The following ANKRD55 variants were observed in gnomAD, a reference collection of about 807,000 sequenced individuals.
The protein encoded by ANKRD55 is ankyrin repeat domain 55.
ANKRD55 carries 41 observed loss-of-function variants against 60.6 expected under a neutral mutation model. That is an observed-to-expected ratio of 0.68 (90% CI 0.53 to 0.88). ANKRD55 has a LOEUF of 0.88. Ranked by LOEUF, ANKRD55 falls within the 40% of genes least tolerant of loss-of-function variation. ANKRD55 has a pLI of 0.00. For missense variants in ANKRD55, 732 were observed against 767.6 expected, an observed-to-expected ratio of 0.95 and a Z score of 0.55; for synonymous variants, 264 against 290.3, an observed-to-expected ratio of 0.91 and a Z score of 0.92.
At chr5:56,136,448 A>T (rs1757599999) in intron 7 of ANKRD55, among the ~76,000 whole-genome samples, 1 of 152,338 alleles carries the variant, frequency 6.6e-6, no homozygotes, top group Non-Finnish European at 1.5e-5. Flanking sequence ...CAAGAAATAG[A>T]CCCACATAAT....
chr5:56,112,558 G>A (rs372619267), intron 9 of ANKRD55, among the ~76,000 whole-genome samples: 4 of 129,740 alleles, frequency 3.1e-5, no homozygotes, highest in African/African-American at 9.0e-5. Flanking sequence ...GGGCTCCAGC[G>A]AGGGAAGAGG....
At chr5:56,112,626 C>G (rs1167569198) in intron 9 of ANKRD55, among the ~76,000 whole-genome samples, 10 of 151,434 alleles carry the variant, frequency 6.6e-5, no homozygotes, top group African/African-American at 2.4e-4. Flanking sequence ...ATGCCCAATG[C>G]GCAGGCAAAT....
chr5:56,180,740 G>A (rs1021688591), intron 3 of ANKRD55, among the ~76,000 whole-genome samples: 1 of 152,100 alleles, frequency 6.6e-6, no homozygotes. Context: ...AAATTTTGAT[G>A]TCTGCATGTT....
intron 7 of ANKRD55, among the ~76,000 whole-genome samples, chr5:56,131,015 C>A (rs1312429907): frequency 6.6e-6 from 1 of 151,866 alleles, no homozygotes; most frequent in East Asian, 1.9e-4. Flanking sequence ...GTGTAACATA[C>A]AGGCAATAGG....
intron 9 of ANKRD55, among the ~76,000 whole-genome samples, chr5:56,112,511 A>AAAAAAACAAAAAAAAAAC (rs1756754606): frequency 3.7e-5 from 3 of 81,528 alleles, no homozygotes; most frequent in African/African-American, 1.6e-4. Flanking sequence ...TAGCAAAAAA[A>AAAAAAACAAAAAAAAAAC]AAAAAAAAAA....
intron 8 of ANKRD55, among the ~76,000 whole-genome samples, chr5:56,123,732 A>T (rs1757147740): frequency 6.6e-6 from 1 of 152,150 alleles, no homozygotes; most frequent in Non-Finnish European, 1.5e-5. Context: ...TCTGACCATC[A>T]ACATGGAAGC....
At chr5:56,232,361 C>T (rs1354990213) in intron 2 of ANKRD55, among the ~76,000 whole-genome samples, 1 of 151,956 alleles carries the variant, frequency 6.6e-6, no homozygotes, top group Non-Finnish European at 1.5e-5. Context: ...ATCAACCCGA[C>T]ATAAATACAG....
At chr5:56,129,458 T>C (rs1757353723) in intron 7 of ANKRD55, among the ~76,000 whole-genome samples, 1 of 152,190 alleles carries the variant, frequency 6.6e-6, no homozygotes, top group Non-Finnish European at 1.5e-5. Flanking sequence ...CTGAAAATGA[T>C]TGGGAACTGA....
At position 56,130,979 on chromosome 5, in the gene ANKRD55, C is replaced by T. The variant is rs559180186; in HGVS notation, c.613-3873G>A. 7.9e-5 allele frequency among the ~76,000 whole-genome samples: 12 copies of T among 152,060 alleles called. No individual in the cohort carries two copies. The South Asian group carries it at 2.5e-3, about 32-fold the overall frequency. On this transcript the variant is annotated intron_variant, in intron 7 of 11. Transcript: ENST00000341048. ...ACTGAAAAAAACAGAACAGAATATT[C>T]ACAGACTGTGAGAGAACTACAAAAG...
intron 10 of ANKRD55, among the ~76,000 whole-genome samples, chr5:56,106,629 A>C (rs1756487248): frequency 6.6e-6 from 1 of 151,916 alleles, no homozygotes; most frequent in Non-Finnish European, 1.5e-5. Context: ...ATGGGGTTTC[A>C]CTATGTTGGC....
chr5:56,182,503 CA>C (rs1758872369), intron 3 of ANKRD55, among the ~76,000 whole-genome samples: 1 of 152,022 alleles, frequency 6.6e-6, no homozygotes, highest in African/African-American at 2.4e-5. Context: ...AGCATGTTTT[CA>C]ATTGCTCATT....
chr5:56,120,696 G>A (rs920782745), intron 8 of ANKRD55, among the ~76,000 whole-genome samples: 9 of 151,972 alleles, frequency 5.9e-5, no homozygotes, highest in East Asian at 1.9e-4. Context: ...TCAGGAGATC[G>A]AGACCATCCT....
chr5:56,142,892 A>G (rs1419023717), intron 7 of ANKRD55, among the ~76,000 whole-genome samples: 2 of 152,220 alleles, frequency 1.3e-5, no homozygotes, highest in East Asian at 1.9e-4. Context: ...GAGAAACTGA[A>G]GCCAAGGTTA....
Position 56,120,863 on chromosome 5 carries a change from CT to C in ANKRD55, c.798-4082del, listed in dbSNP as rs1231286104. Among the ~76,000 whole-genome samples the C allele has an allele frequency of 5.6e-5, 8 of 144,110 alleles. 1 individual carries two copies. The South Asian group carries it at 1.3e-3, about 24-fold the overall frequency. The allele number at this position is 144,110 out of a possible 152,430, so 94.5% of individuals were successfully genotyped here. ...GCAGTGAGCCAAGATCGCGCCACTG[CT>C]ACTCTAGCCTGGGCGACAGAGGGAG... On this transcript the variant is annotated intron_variant, in intron 8 of 11. Coordinates refer to ENST00000341048, the MANE Select transcript of ANKRD55 (RefSeq NM_024669.3).
rs1236677958 is a variant in ANKRD55 at position 56,232,927 on chromosome 5, G to C, written c.-14C>G. On this transcript the variant is annotated 5_prime_UTR_variant, in exon 2 of 12. Transcript: ENST00000341048. ...CTGTCTCATCATTTACCATCAGAAT[G>C]GCAAAAAGCATCCAGGTCTCTAGAG... 1 of 1,613,654 alleles carries C rather than the reference G, an allele frequency of 6.2e-7. No individual in the cohort carries two copies. The highest frequency in any genetic ancestry group is 8.5e-7 in the Non-Finnish European group (1 of 1,179,706).
chr5:56,192,673 T>C, intron 2 of ANKRD55: 1 of 1,212,598 alleles, frequency 8.2e-7, no homozygotes, highest in Non-Finnish European at 1.2e-6. Flanking sequence ...CTAATGTTCT[T>C]CATAATGATC....
chr5:56,178,744 T>G (rs911908489), intron 3 of ANKRD55, among the ~76,000 whole-genome samples: 3 of 142,754 alleles, frequency 2.1e-5, no homozygotes, highest in Non-Finnish European at 4.5e-5. Flanking sequence ...ATACTATGTT[T>G]ATGAAGGAAA....
At chr5:56,127,581 G>T (rs987542667) in intron 7 of ANKRD55, 2 of 985,164 alleles carry the variant, frequency 2.0e-6, no homozygotes, top group Admixed American at 6.1e-5. Flanking sequence ...CACTTAAAAA[G>T]CTTGTTTCGG....
Position 56,192,290 on chromosome 5 carries a change from G to T in ANKRD55, c.59-8656C>A, listed in dbSNP as rs1305349047. On this transcript the variant is annotated intron_variant, in intron 2 of 11. Coordinates refer to ENST00000341048, the MANE Select transcript of ANKRD55 (RefSeq NM_024669.3). ...ATACACACAGGGTGAGAGACTCTGA[G>T]GGTAGAAAATGGAAGAAACATGAAG... Among the ~76,000 whole-genome samples the T allele has an allele frequency of 2.0e-5, 3 of 152,350 alleles. No individual in the cohort carries two copies. The East Asian group carries it at 5.8e-4, about 29-fold the overall frequency.
Sources: allele counts gnomAD v4.1 joint callset (sites outside exome capture counted in the v4.1 genomes callset), GRCh38; gene constraint gnomAD v4.1.1; transcripts MANE v1.5; gene names NCBI Gene and HGNC (gene_info 2026-07-23, HGNC 2026-07-21).